The following DERA variants were observed in gnomAD, a reference collection of about 807,000 sequenced individuals.
DERA encodes deoxyribose-phosphate aldolase, also known as 2-deoxy-D-ribose 5-phosphate aldolase.
A neutral mutation model predicts 41.1 loss-of-function variants in DERA; 15 were observed. The ratio of observed to expected loss-of-function variants is 0.37; its 90% confidence interval spans 0.24 to 0.56. The LOEUF is 0.56. Among genes scored for constraint, DERA ranks in the 20% least tolerant of loss-of-function variants. The pLI is 0.81. For synonymous variants in DERA, 139 were observed against 137.4 expected, an observed-to-expected ratio of 1.01 and a Z score of -0.08; for missense variants, 396 against 403.4, an observed-to-expected ratio of 0.98 and a Z score of 0.16.
In DERA at chr12:15,922,447, A is replaced by G. The variant is rs1442500239; in HGVS notation, c.31+11033A>G. On this transcript the variant is annotated intron_variant, in intron 1 of 8. Coordinates refer to ENST00000428559, the MANE Select transcript of DERA (RefSeq NM_015954.4). The surrounding 1 kb of genome is among the most constrained non-coding windows in gnomAD (Gnocchi z 4.9). ...TAATTTCAGTCTGCAGATGAATGCTATATTTGACTGAGTGTTGCATTAAAC... is the reference window on the plus strand; with the variant it reads ...TAATTTCAGTCTGCAGATGAATGCTGTATTTGACTGAGTGTTGCATTAAAC... 6.6e-6 allele frequency among the ~76,000 whole-genome samples: 1 copy of G among 152,194 alleles called. No homozygotes were observed. Among genetic ancestry groups the G allele is most frequent in the African/African-American group, 2.4e-5 (1 of 41,456 alleles).
rs925179079 is a variant in DERA, at chr12:15,967,001, A to C, written c.508+4054A>C. 1.3e-5 allele frequency among the ~76,000 whole-genome samples: 2 copies of C among 152,146 alleles called. No homozygotes were observed. The highest frequency in any genetic ancestry group is 4.8e-5 in the African/African-American group (2 of 41,434). On this transcript the variant is annotated intron_variant, in intron 5 of 8. Coordinates refer to ENST00000428559, the MANE Select transcript of DERA (RefSeq NM_015954.4). The surrounding 1 kb of genome is among the most constrained non-coding windows in gnomAD (Gnocchi z 4.9). ...TTACCCATCATTTACATATAAGTAG[A>C]CATTCAAATATCACTGACCCTTGAC...
intron 6 of DERA, among the ~76,000 whole-genome samples, chr12:16,022,968 A>G (rs1376813881): frequency 1.3e-5 from 2 of 152,192 alleles, no homozygotes; most frequent in Non-Finnish European, 2.9e-5. Flanking sequence ...CATATTCCCT[A>G]TAGTAAAGCC....
intron 4 of DERA, among the ~76,000 whole-genome samples, chr12:15,960,266 CTA>C (rs750133124): frequency 5.4e-5 from 8 of 149,238 alleles, no homozygotes; most frequent in African/African-American, 2.0e-4. Context: ...TACATATTAA[CTA>C]TATATATAAC....
In DERA at chr12:15,936,885, CTTGT is replaced by C. The variant is rs1565588599; in HGVS notation, c.32-20050_32-20047del. ...CTTGTCTTGTCTTGTCTTGTCTTGT[CTTGT>C]CCTGTCCTGTCCTGTCCTGTCCTGT... On this transcript the variant is annotated intron_variant, in intron 1 of 8. Transcript: ENST00000428559. The surrounding 1 kb of genome is among the most constrained non-coding windows in gnomAD (Gnocchi z 4.6). Among the ~76,000 whole-genome samples the C allele has an allele frequency of 5.0e-5, 7 of 139,694 alleles. No homozygotes were observed. The highest frequency in any genetic ancestry group is 1.5e-4 in the African/African-American group (5 of 32,476). The allele number at this position is 139,694 out of a possible 152,430, so 91.6% of individuals were successfully genotyped here. A position where few individuals can be genotyped will look rare whatever the true frequency, so the allele number is the denominator to read the frequency against.
rs1949053978 is a variant in DERA at position 16,026,460 on chromosome 12, C to T, written c.638-6082C>T. ...GTGAAATGGATCAATCCTCAAAAGA[C>T]ATAAACAACCAAAACTCACAAGGAG... On this transcript the variant is annotated intron_variant, in intron 6 of 8. Transcript: ENST00000428559. The surrounding 1 kb of genome is among the most constrained non-coding windows in gnomAD (Gnocchi z 4.4). 6.6e-6 allele frequency among the ~76,000 whole-genome samples: 1 copy of T among 151,426 alleles called. No homozygotes were observed. Among genetic ancestry groups the T allele is most frequent in the African/African-American group, 2.4e-5 (1 of 41,346 alleles).
At chr12:15,949,279 T>A (rs181667099) in intron 1 of DERA, among the ~76,000 whole-genome samples, 97 of 152,292 alleles carry the variant, frequency 6.4e-4, no homozygotes, top group African/African-American at 2.2e-3. Flanking sequence ...TTTGTTTGGC[T>A]ATGCCCTGCC....
At chr12:15,946,067 A>C (rs188783727) in intron 1 of DERA, among the ~76,000 whole-genome samples, 1 of 152,294 alleles carries the variant, frequency 6.6e-6, no homozygotes, top group African/African-American at 2.4e-5. Flanking sequence ...CTTGCATCCC[A>C]GGGATGAAGC....
rs991828751 is a variant in DERA at position 15,940,820 on chromosome 12, A to G, written c.32-16116A>G. On this transcript the variant is annotated intron_variant, in intron 1 of 8. Transcript: ENST00000428559. The surrounding 1 kb of genome is among the most constrained non-coding windows in gnomAD (Gnocchi z 5.1). ...ACACAGGCATCCTAACATAACTACTAATTTTTTGAGGTAGATACCGATGCT... is the reference window on the plus strand; with the variant it reads ...ACACAGGCATCCTAACATAACTACTGATTTTTTGAGGTAGATACCGATGCT... Among the ~76,000 whole-genome samples, 24 of 152,114 alleles carry G rather than the reference A, an allele frequency of 1.6e-4. No homozygotes were observed. The highest frequency in any genetic ancestry group is 2.6e-4 in the Non-Finnish European group (18 of 68,026).
intron 6 of DERA, among the ~76,000 whole-genome samples, chr12:16,025,006 G>C (rs1238437028): frequency 6.6e-6 from 1 of 152,008 alleles, no homozygotes; most frequent in Non-Finnish European, 1.5e-5. Context: ...GTTATTTGAA[G>C]GTGGACTTAG....
Position 15,931,837 on chromosome 12 carries a change from A to G in DERA, c.31+20423A>G, listed in dbSNP as rs1948330325. ...CTCATGAGAGTGGGTTGTTAAAAAT[A>G]ATCTGGCTTCCTTGTTTTTTCTTCT... On this transcript the variant is annotated intron_variant, in intron 1 of 8. Transcript: ENST00000428559. The surrounding 1 kb of genome is among the most constrained non-coding windows in gnomAD (Gnocchi z 4.6). Among the ~76,000 whole-genome samples, 1 of 152,192 alleles carries G rather than the reference A, an allele frequency of 6.6e-6. No homozygotes were observed. Among genetic ancestry groups the G allele is most frequent in the Non-Finnish European group, 1.5e-5 (1 of 68,026 alleles).
chr12:16,027,810 A>T (rs1192133366), intron 6 of DERA, among the ~76,000 whole-genome samples: 1 of 152,202 alleles, frequency 6.6e-6, no homozygotes, highest in Non-Finnish European at 1.5e-5. Context: ...TTGTTTACAA[A>T]CATGATCGTA....
chr12:15,943,490 A>G lies in DERA; in HGVS notation c.32-13446A>G, dbSNP rs1036633457. On this transcript the variant is annotated intron_variant, in intron 1 of 8. Transcript: ENST00000428559. This position sits in a 1 kb window ranked among gnomAD's most constrained non-coding sequence, Gnocchi z 4.5. ...AAAAGACTTCCCATCTCACATGGGA[A>G]AACCTTTCTGTGCTGAAAAAAGTTC... 6.6e-6 allele frequency among the ~76,000 whole-genome samples: 1 copy of G among 152,138 alleles called. No individual in the cohort carries two copies.
chr12:15,925,594 C>G (rs16911429), intron 1 of DERA, among the ~76,000 whole-genome samples: 1,547 of 152,076 alleles, frequency 0.01, 25 homozygotes, highest in African/African-American at 0.035. Context: ...CATAGATTAC[C>G]TTTATAACTT....
rs1948796909 is a variant in DERA at position 15,990,801 on chromosome 12, G to T, written c.637+8365G>T. Among the ~76,000 whole-genome samples the T allele has an allele frequency of 6.6e-6, 1 of 151,956 alleles. No individual in the cohort carries two copies. The highest frequency in any genetic ancestry group is 1.5e-5 in the Non-Finnish European group (1 of 67,976). On this transcript the variant is annotated intron_variant, in intron 6 of 8. Transcript: ENST00000428559. This position sits in a 1 kb window ranked among gnomAD's most constrained non-coding sequence, Gnocchi z 4.3. Reference sequence around the variant, plus strand: ...ATGATCTCATTCTTTTTTTATGGCTGGATAGTAGTCCATGGTGCATATATA... The same window carrying T: ...ATGATCTCATTCTTTTTTTATGGCTTGATAGTAGTCCATGGTGCATATATA...
chr12:15,989,265 C>T lies in DERA; in HGVS notation c.637+6829C>T, dbSNP rs1303019170. On this transcript the variant is annotated intron_variant, in intron 6 of 8. Coordinates refer to ENST00000428559, the MANE Select transcript of DERA (RefSeq NM_015954.4). This position sits in a 1 kb window ranked among gnomAD's most constrained non-coding sequence, Gnocchi z 5.2. Reference sequence around the variant, plus strand: ...CGCCTCCCCCGCTGCAACTGGCATCCCCACGGTGGCTGCTCCAGACAGGCC... The same window carrying T: ...CGCCTCCCCCGCTGCAACTGGCATCTCCACGGTGGCTGCTCCAGACAGGCC... 6.6e-6 allele frequency among the ~76,000 whole-genome samples: 1 copy of T among 152,242 alleles called. No homozygotes were observed. The highest frequency in any genetic ancestry group is 2.4e-5 in the African/African-American group (1 of 41,462).
chr12:15,912,691 T>C (rs576685762), intron 1 of DERA, among the ~76,000 whole-genome samples: 3 of 152,294 alleles, frequency 2.0e-5, no homozygotes, highest in East Asian at 1.9e-4. Context: ...TATGGAGTTA[T>C]GGTTTTAGGG....
In DERA at chr12:16,026,818, A is replaced by G. The variant is rs1949056340; in HGVS notation, c.638-5724A>G. 6.6e-6 allele frequency among the ~76,000 whole-genome samples: 1 copy of G among 152,114 alleles called. No homozygotes were observed. Among genetic ancestry groups the G allele is most frequent in the Admixed American group, 6.5e-5 (1 of 15,280 alleles). ...ACTCATTCTGTGAGACAATTACTCC[A>G]AAACCATTACTCCAAAACCAGATAA... On this transcript the variant is annotated intron_variant, in intron 6 of 8. Coordinates refer to ENST00000428559, the MANE Select transcript of DERA (RefSeq NM_015954.4). The surrounding 1 kb of genome is among the most constrained non-coding windows in gnomAD (Gnocchi z 4.4).
chr12:15,911,378 C>T lies in DERA; in HGVS notation c.-6C>T, dbSNP rs1329625956. ...ACCAGCCGGCAGCTCCGGAGCTGCC[C>T]GCGCCATGTCCGCGCACAATCGGGG... is the stretch of plus-strand genomic sequence containing the variant. On this transcript the variant is annotated 5_prime_UTR_variant, in exon 1 of 9. Coordinates refer to ENST00000428559, the MANE Select transcript of DERA (RefSeq NM_015954.4). The surrounding 1 kb of genome is among the most constrained non-coding windows in gnomAD (Gnocchi z 4.5). The T allele has an allele frequency of 2.8e-6, 4 of 1,404,102 alleles. No individual in the cohort carries two copies. The highest frequency in any genetic ancestry group is 1.6e-5 in the South Asian group (1 of 63,524). 87.0% of individuals were successfully genotyped at this position (1,404,102 alleles called of 1,614,324 possible).
rs570901308 is a variant in DERA at position 15,940,358 on chromosome 12, A to T, written c.32-16578A>T. The stretch of plus-strand genomic sequence containing the variant: ...CCTTTTTTTATTTTATTTTATTATT[A>T]TTTTTTTATTTGAGATGGAGTCTGG... On this transcript the variant is annotated intron_variant, in intron 1 of 8. Transcript: ENST00000428559. This position sits in a 1 kb window ranked among gnomAD's most constrained non-coding sequence, Gnocchi z 5.1. 1.3e-5 allele frequency among the ~76,000 whole-genome samples: 2 copies of T among 151,792 alleles called. No individual in the cohort carries two copies. The highest frequency in any genetic ancestry group is 3.9e-4 in the East Asian group (2 of 5,160).
Sources: allele counts gnomAD v4.1 joint callset (sites outside exome capture counted in the v4.1 genomes callset), GRCh38; gene constraint gnomAD v4.1.1; non-coding constraint Gnocchi (gnomAD v3.1); transcripts MANE v1.5; gene names NCBI Gene and HGNC (gene_info 2026-07-23, HGNC 2026-07-21).